The following HDAC9 variants were observed in gnomAD, a reference collection of about 807,000 sequenced individuals.
HDAC9 encodes the protein MEF-2 interacting transcription repressor (MITR) protein.
In HDAC9, 41 loss-of-function variants were observed where a neutral mutation model predicts 139.4. The observed-to-expected ratio is 0.29, with a 90% CI of 0.23 to 0.38. The LOEUF (loss-of-function observed/expected upper bound fraction) is 0.38. Ranked by LOEUF, HDAC9 falls within the 10% of genes least tolerant of loss-of-function variation. The pLI, the probability that HDAC9 is intolerant of heterozygous loss-of-function variation, is 1.00. For missense variants in HDAC9, 1,147 were observed against 1,297.0 expected (o/e 0.88, Z 1.78); for synonymous variants, 517 against 476.2 (o/e 1.09, Z -1.12).
chr7:18,588,826 T>A (rs1830145534), intron 3 of HDAC9, among the ~76,000 whole-genome samples: 1 of 152,180 alleles, frequency 6.6e-6, no homozygotes, highest in Admixed American at 6.5e-5. Context: ...GCCTGCATTT[T>A]GACTGGAACT....
At chr7:18,929,403 C>A (rs1304955075) in intron 22 of HDAC9, among the ~76,000 whole-genome samples, 1 of 152,086 alleles carries the variant, frequency 6.6e-6, no homozygotes, top group African/African-American at 2.4e-5. Flanking sequence ...CCTTCTAATT[C>A]TCTTTCTCAG....
chr7:18,205,575 C>T (rs935724267), intron 2 of HDAC9, among the ~76,000 whole-genome samples: 8 of 152,148 alleles, frequency 5.3e-5, no homozygotes, highest in Non-Finnish European at 1.0e-4. Flanking sequence ...CCTTTTTCCC[C>T]TATATTTTCT....
intron 1 of HDAC9, among the ~76,000 whole-genome samples, chr7:18,103,547 AAGCAGAGTTGCCATAAC>A (rs1490229368): frequency 6.6e-6 from 1 of 152,108 alleles, no homozygotes; most frequent in Non-Finnish European, 1.5e-5. Flanking sequence ...TGACTTCTTG[AAGCAGAGTTGCCATAAC>A]AGCTTGGAGT....
intron 21 of HDAC9, among the ~76,000 whole-genome samples, chr7:18,845,116 A>G (rs908513449): frequency 4.9e-4 from 74 of 152,190 alleles, no homozygotes; most frequent in African/African-American, 1.6e-3. Flanking sequence ...TTGTTAATAT[A>G]TACTATTTAG....
chr7:18,941,956 A>G (rs1447313760), intron 23 of HDAC9, among the ~76,000 whole-genome samples: 3 of 152,020 alleles, frequency 2.0e-5, no homozygotes, highest in Non-Finnish European at 2.9e-5. Flanking sequence ...TAAATTTTCT[A>G]TATAGTCTTT....
At position 18,781,247 on chromosome 7, in the gene HDAC9, A is replaced by C. The variant is rs1585025761; in HGVS notation, c.2215-12098A>C. 1.3e-5 allele frequency among the ~76,000 whole-genome samples: 2 copies of C among 152,050 alleles called. 1 individual carries two copies. The highest frequency in any genetic ancestry group is 1.3e-4 in the Admixed American group (2 of 15,248). ...TGCTGAATACAGTCCCATTGGGCTT[A>C]GGACTTCAATATGCGAATTCTGAGG... On this transcript the variant is annotated intron_variant, in intron 16 of 25. Coordinates refer to ENST00000686413, the MANE Select transcript of HDAC9 (RefSeq NM_178425.4).
chr7:18,649,239 C>T lies in HDAC9; in HGVS notation c.1467+556C>T, dbSNP rs549882558. Reference sequence around the variant, plus strand: ...TAAAATAGACAGCGGATGTCTGTACCGTACCACATCCTTAGGAGCTCTCCT... The same window carrying T: ...TAAAATAGACAGCGGATGTCTGTACTGTACCACATCCTTAGGAGCTCTCCT... On this transcript the variant is annotated intron_variant, in intron 11 of 25. Transcript: ENST00000686413. Among the ~76,000 whole-genome samples, 9 of 152,130 alleles carry T rather than the reference C, an allele frequency of 5.9e-5. No individual in the cohort carries two copies. The South Asian group carries it at 1.7e-3, about 28-fold the overall frequency.
intron 1 of HDAC9, among the ~76,000 whole-genome samples, chr7:18,409,655 A>T (rs908499197): frequency 6.6e-6 from 1 of 152,202 alleles, no homozygotes; most frequent in African/African-American, 2.4e-5. Context: ...AATAGATGGT[A>T]TGTTTCCTTT....
chr7:18,357,647 G>C (rs1783428466), intron 1 of HDAC9, among the ~76,000 whole-genome samples: 1 of 152,140 alleles, frequency 6.6e-6, no homozygotes, highest in Non-Finnish European at 1.5e-5. Flanking sequence ...CCAACTTTAG[G>C]CTAGAGAGTT....
At chr7:18,883,810 A>C (rs879340298) in intron 22 of HDAC9, among the ~76,000 whole-genome samples, 4 of 152,082 alleles carry the variant, frequency 2.6e-5, no homozygotes, top group African/African-American at 4.8e-5. Flanking sequence ...AGCAAAAAAA[A>C]CCTGATAAAA....
intron 23 of HDAC9, among the ~76,000 whole-genome samples, chr7:18,945,124 C>A (rs1563076500): frequency 6.6e-6 from 1 of 152,146 alleles, no homozygotes; most frequent in Non-Finnish European, 1.5e-5. Context: ...TCCATAGTGG[C>A]AGTTACAATT....
chr7:18,977,257 A>T (rs1354696341), intron 25 of HDAC9, among the ~76,000 whole-genome samples: 2 of 152,148 alleles, frequency 1.3e-5, no homozygotes, highest in African/African-American at 4.8e-5. Flanking sequence ...TCATAATCCA[A>T]AGGTGTTGCA....
intron 1 of HDAC9, among the ~76,000 whole-genome samples, chr7:18,472,636 G>T (rs1349829474): frequency 6.6e-6 from 1 of 152,086 alleles, no homozygotes; most frequent in Non-Finnish European, 1.5e-5. Flanking sequence ...TACAAGACCG[G>T]CTCCTTCATG....
chr7:18,789,524 C>T (rs1427117997), intron 16 of HDAC9, among the ~76,000 whole-genome samples: 1 of 152,196 alleles, frequency 6.6e-6, no homozygotes, highest in Non-Finnish European at 1.5e-5. Flanking sequence ...GGGTGGCTCC[C>T]TGCTCCACTG....
At chr7:18,285,093 A>G (rs1797350611) in intron 2 of HDAC9, among the ~76,000 whole-genome samples, 1 of 152,142 alleles carries the variant, frequency 6.6e-6, no homozygotes, top group Non-Finnish European at 1.5e-5. Context: ...TAAAGGACAC[A>G]GTCTTCACAC....
In HDAC9 at chr7:18,530,224, C is replaced by T. The variant is rs543381399; in HGVS notation, c.22+33900C>T. 9.9e-5 allele frequency among the ~76,000 whole-genome samples: 15 copies of T among 152,192 alleles called. No individual in the cohort carries two copies. In the East Asian group the frequency reaches 2.9e-3, roughly 29 times the overall value. On this transcript the variant is annotated intron_variant, in intron 2 of 25. Transcript: ENST00000686413. ...GCTGTAGTGAACCATGATCATGCCA[C>T]TCCTGTTCTGCCTGGGCAACAGAGT...
intron 1 of HDAC9, among the ~76,000 whole-genome samples, chr7:18,466,141 C>G (rs1002443363): frequency 8.5e-5 from 13 of 152,134 alleles, no homozygotes; most frequent in Non-Finnish European, 2.9e-5. Flanking sequence ...TAACGATGAC[C>G]ACTCGCAGCT....
rs77709719 is a variant in HDAC9 at position 18,457,672 on chromosome 7, A to C, written c.-41-38590A>C. ...CGTCTGCTCTAATTAATTTTCTTTC[A>C]TATCAACTGAATTTGATGTTGTTGA... On this transcript the variant is annotated intron_variant, in intron 1 of 3. Coordinates refer to the HDAC9 transcript ENST00000413509. 2.8e-4 allele frequency among the ~76,000 whole-genome samples: 42 copies of C among 152,264 alleles called. 1 individual carries two copies. In the East Asian group the frequency reaches 8.1e-3, roughly 29 times the overall value.
intron 16 of HDAC9, 184 bp from the exon 17 acceptor site, chr7:18,793,161 C>G (rs914904707): frequency 1.7e-6 from 1 of 576,316 alleles, no homozygotes; most frequent in Admixed American, 2.9e-5. Flanking sequence ...GCCTTTTCAG[C>G]TGGCCAAGAC....
Sources: allele counts gnomAD v4.1 joint callset (sites outside exome capture counted in the v4.1 genomes callset), GRCh38; gene constraint gnomAD v4.1.1; transcripts MANE v1.5; gene names NCBI Gene and HGNC (gene_info 2026-07-23, HGNC 2026-07-21).